Variants in NDUFA9 observed in about 807,000 individuals in gnomAD.
NDUFA9 encodes the protein NADH:ubiquinone oxidoreductase subunit A9, also known as NADH dehydrogenase [ubiquinone] 1 alpha subcomplex subunit 9, mitochondrial.
In NDUFA9, 23 loss-of-function variants were observed where a neutral mutation model predicts 45.9. The observed-to-expected ratio is 0.50, with a 90% CI of 0.36 to 0.71. The LOEUF (loss-of-function observed/expected upper bound fraction) is 0.71. Among genes scored for constraint, NDUFA9 ranks in the 30% least tolerant of loss-of-function variants. The pLI, the probability that NDUFA9 is intolerant of heterozygous loss-of-function variation, is 0.00. For missense variants in NDUFA9, 466 were observed against 488.2 expected, an observed-to-expected ratio of 0.95 and a Z score of 0.43; for synonymous variants, 176 against 170.5, an observed-to-expected ratio of 1.03 and a Z score of -0.25.
chr12:4,676,126 T>C (rs534069543), intron 8 of NDUFA9, among the ~76,000 whole-genome samples: 227 of 152,302 alleles, frequency 1.5e-3, no homozygotes, highest in African/African-American at 5.2e-3. Context: ...AACTAGGTGT[T>C]GATGGAATAT....
intron 8 of NDUFA9, among the ~76,000 whole-genome samples, chr12:4,675,506 G>A (rs893028864): frequency 6.6e-6 from 1 of 151,996 alleles, no homozygotes; most frequent in Non-Finnish European, 1.5e-5. Flanking sequence ...GAAATACTAA[G>A]TACCATCAGA....
In NDUFA9 at chr12:4,692,190, G is replaced by A. The variant is rs1045818827; in HGVS notation, c.*5082G>A. On this transcript the variant is annotated 3_prime_UTR_variant, in exon 11 of 11. Coordinates refer to ENST00000266544, the MANE Select transcript of NDUFA9 (RefSeq NM_005002.5). ...CCCCACCCAAATCTCATGTTGCAAT[G>A]TAATCTCCAGTGTTGGAGTTGGGGC... 1 of 152,210 alleles carries A rather than the reference G, an allele frequency of 6.6e-6. No homozygotes were observed. Among genetic ancestry groups the A allele is most frequent in the African/African-American group, 2.4e-5 (1 of 41,456 alleles). The allele number at this position is 152,210 out of a possible 1,614,324, so 9.4% of individuals were successfully genotyped here. A position where few individuals can be genotyped will look rare whatever the true frequency, so the allele number is the denominator to read the frequency against.
chr12:4,676,034 A>G (rs1945917806), intron 8 of NDUFA9, among the ~76,000 whole-genome samples: 1 of 152,258 alleles, frequency 6.6e-6, no homozygotes, highest in Non-Finnish European at 1.5e-5. Context: ...AGAACCAATG[A>G]CAAAAACTAC....
chr12:4,669,104 A>G (rs1271625297), intron 7 of NDUFA9, among the ~76,000 whole-genome samples: 3 of 152,208 alleles, frequency 2.0e-5, no homozygotes, highest in Admixed American at 2.0e-4. Context: ...CAGTAGTGGC[A>G]CTATTGACAT....
intron 7 of NDUFA9, chr12:4,668,747 A>G (rs1214951602): frequency 1.7e-5 from 9 of 534,174 alleles, no homozygotes; most frequent in Non-Finnish European, 2.7e-5. Context: ...TAGACACATC[A>G]TACATGTCAC....
Position 4,681,414 on chromosome 12 carries a change from G to C in NDUFA9, c.801-791G>C, listed in dbSNP as rs116408719. Among the ~76,000 whole-genome samples, 517 of 150,636 alleles carry C rather than the reference G, an allele frequency of 3.4e-3. 4 individuals carry two copies. The highest frequency in any genetic ancestry group is 6.1e-3 in the Non-Finnish European group (410 of 67,652). On this transcript the variant is annotated intron_variant, in intron 8 of 10. Coordinates refer to ENST00000266544, the MANE Select transcript of NDUFA9 (RefSeq NM_005002.5). ...GGACTCCAGGAGGAAAGAAAAGATA[G>C]ATGTATAAATGACCAAAAATTCGTG...
chr12:4,677,678 C>T (rs937446702), intron 8 of NDUFA9, among the ~76,000 whole-genome samples: 11 of 152,106 alleles, frequency 7.2e-5, no homozygotes, highest in East Asian at 1.9e-4. Context: ...GAAATAGTGA[C>T]GCTTTTCCAC....
At position 4,693,301 on chromosome 12, in the gene NDUFA9, T is replaced by A. The variant is rs1565575548; in HGVS notation, c.*6193T>A. 1 of 152,228 alleles carries A rather than the reference T, an allele frequency of 6.6e-6. No homozygotes were observed. The highest frequency in any genetic ancestry group is 1.5e-5 in the Non-Finnish European group (1 of 68,046). The allele number at this position is 152,228 out of a possible 1,614,324, so 9.4% of individuals were successfully genotyped here. A position where few individuals can be genotyped will look rare whatever the true frequency, so the allele number is the denominator to read the frequency against. On this transcript the variant is annotated 3_prime_UTR_variant, in exon 11 of 11. Transcript: ENST00000266544. ...AATTGTTCTGGTCTTGTTCAGGTAA[T>A]AATTTTAATTCTATAATAAAATCTC...
chr12:4,679,645 G>A (rs1945941053), intron 8 of NDUFA9, among the ~76,000 whole-genome samples: 1 of 152,156 alleles, frequency 6.6e-6, no homozygotes, highest in Admixed American at 6.6e-5. Flanking sequence ...TTGAACATTA[G>A]GCAAAGGGCA....
chr12:4,675,142 G>A (rs183114767), intron 8 of NDUFA9, among the ~76,000 whole-genome samples: 39 of 152,326 alleles, frequency 2.6e-4, no homozygotes, highest in Admixed American at 2.3e-3. Context: ...CAACATTCCA[G>A]AATCTCTGGA....
At chr12:4,664,491 C>G (rs1945841901) in intron 6 of NDUFA9, among the ~76,000 whole-genome samples, 1 of 152,250 alleles carries the variant, frequency 6.6e-6, no homozygotes, top group East Asian at 1.9e-4. Context: ...TTAGAACTAT[C>G]TCTTTGGTTT....
rs1441683544 is a variant in NDUFA9, at chr12:4,691,379, T to A, written c.*4271T>A. On this transcript the variant is annotated 3_prime_UTR_variant, in exon 11 of 11. Coordinates refer to ENST00000266544, the MANE Select transcript of NDUFA9 (RefSeq NM_005002.5). ...GAAGGAGGGATTCCTATTTCCCAAA[T>A]GCTGGAAACAGGGACTTATAGAAGG... is the stretch of plus-strand genomic sequence containing the variant. 6.6e-6 allele frequency: 1 copy of A among 152,236 alleles called. No individual in the cohort carries two copies. Among genetic ancestry groups the A allele is most frequent in the Non-Finnish European group, 1.5e-5 (1 of 68,040 alleles). The allele number at this position is 152,236 out of a possible 1,614,324, so 9.4% of individuals were successfully genotyped here.
intron 8 of NDUFA9, among the ~76,000 whole-genome samples, chr12:4,679,054 A>G (rs1945937426): frequency 6.6e-6 from 1 of 152,238 alleles, no homozygotes; most frequent in African/African-American, 2.4e-5. Context: ...GAAATAAAAT[A>G]TAGTAGCATT....
In NDUFA9 at chr12:4,689,887, GC is replaced by G; in HGVS notation, c.*2785del. The G allele has an allele frequency of 6.3e-6, 1 of 157,768 alleles. No individual in the cohort carries two copies. The highest frequency in any genetic ancestry group is 1.4e-5 in the Non-Finnish European group (1 of 72,272). The allele number at this position is 157,768 out of a possible 1,614,324, so 9.8% of individuals were successfully genotyped here. Reference sequence around the variant, plus strand: ...CCAGTAGGGGCGGCCGGGCAGAAGCGCCCCCCACCTCCCGGACTGGTCGGCT... The same window carrying G: ...CCAGTAGGGGCGGCCGGGCAGAAGCGCCCCCACCTCCCGGACTGGTCGGCT... On this transcript the variant is annotated 3_prime_UTR_variant, in exon 11 of 11. Transcript: ENST00000266544.
rs375583788 is a variant in NDUFA9 at position 4,659,130 on chromosome 12, C to T, written c.505C>T (p.His169Tyr). Residue 169 changes from histidine to tyrosine, a missense_variant, in exon 5 of 11, where the codon CAT becomes TAT. Coordinates refer to ENST00000266544, the MANE Select transcript of NDUFA9 (RefSeq NM_005002.5). Reference sequence around the variant, plus strand: ...AGTTGAAAAATTCATTCATGTTTCACATCTGAATGCGAATATTAAAAGCTC... The same window carrying T: ...AGTTGAAAAATTCATTCATGTTTCATATCTGAATGCGAATATTAAAAGCTC... ...AGVEKFIHVS[H>Y]LNANIKSSSR... 1.2e-6 allele frequency: 2 copies of T among 1,610,016 alleles called. No homozygotes were observed. The highest frequency in any genetic ancestry group is 1.7e-5 in the Admixed American group (1 of 59,974).
Position 4,662,691 on chromosome 12 carries a change from C to T in NDUFA9, c.655+56C>T, listed in dbSNP as rs1945830632. 15 of 1,377,674 alleles carry T rather than the reference C, an allele frequency of 1.1e-5. No individual in the cohort carries two copies. In the South Asian group the frequency reaches 1.5e-4, roughly 14 times the overall value. The allele number at this position is 1,377,674 out of a possible 1,614,324, so 85.3% of individuals were successfully genotyped here. A position where few individuals can be genotyped will look rare whatever the true frequency, so the allele number is the denominator to read the frequency against. ...GGGATACTGATTAACCAAGTTGAAGCTGCTCAAGCTAACAGTTTTCTCTGA... is the reference window on the plus strand; with the variant it reads ...GGGATACTGATTAACCAAGTTGAAGTTGCTCAAGCTAACAGTTTTCTCTGA... On this transcript the variant is annotated intron_variant, in intron 6 of 10. Transcript: ENST00000266544.
At chr12:4,663,179 A>G (rs1251736031) in intron 6 of NDUFA9, among the ~76,000 whole-genome samples, 1 of 152,148 alleles carries the variant, frequency 6.6e-6, no homozygotes, top group Non-Finnish European at 1.5e-5. Flanking sequence ...TTATATAGCT[A>G]AATAGTATTC....
chr12:4,685,635 G>A (rs976914414), intron 10 of NDUFA9, among the ~76,000 whole-genome samples: 3 of 151,932 alleles, frequency 2.0e-5, no homozygotes, highest in Admixed American at 2.0e-4. Context: ...CTTTCCTGTT[G>A]TGTCCCTTCA....
At chr12:4,663,511 G>A (rs1229237816) in intron 6 of NDUFA9, among the ~76,000 whole-genome samples, 3 of 152,134 alleles carry the variant, frequency 2.0e-5, no homozygotes, top group Admixed American at 6.6e-5. Flanking sequence ...GAGGCAAAAA[G>A]AGAGATCTCT....
Sources: allele counts gnomAD v4.1 joint callset (sites outside exome capture counted in the v4.1 genomes callset), GRCh38; gene constraint gnomAD v4.1.1; transcripts MANE v1.5; gene names NCBI Gene and HGNC (gene_info 2026-07-23, HGNC 2026-07-21).